The following NUFIP1 variants were observed in gnomAD, a reference collection of about 807,000 sequenced individuals.
NUFIP1 encodes nuclear FMR1 interacting protein 1, also known as FMR1-interacting protein NUFIP1.
Under a neutral mutation model 56.2 loss-of-function variants are expected in NUFIP1, and 38 were observed. The ratio of observed to expected loss-of-function variants is 0.68; its 90% CI spans 0.52 to 0.89. The LOEUF (loss-of-function observed/expected upper bound fraction) is 0.89, where lower values mean the gene tolerates loss of function less well. NUFIP1 is among the 40% of genes least tolerant of loss of function. NUFIP1 has a pLI of 0.00. For synonymous variants in NUFIP1, 215 were observed against 212.4 expected, an observed-to-expected ratio of 1.01 and a Z score of -0.10; for missense variants, 567 against 605.8, an observed-to-expected ratio of 0.94 and a Z score of 0.67.
chr13:44,971,757 G>A (rs1319422496), intron 5 of NUFIP1, among the ~76,000 whole-genome samples: 1 of 152,206 alleles, frequency 6.6e-6, no homozygotes, highest in East Asian at 1.9e-4. Flanking sequence ...TGTACCTTTT[G>A]TCTTTTTCTC....
intron 5 of NUFIP1, among the ~76,000 whole-genome samples, chr13:44,968,873 G>C (rs1277311270): frequency 6.6e-6 from 1 of 152,132 alleles, no homozygotes. Flanking sequence ...GTGGATTTTA[G>C]GTAAGATATA....
chr13:44,949,092 A>G (rs1241906713), intron 8 of NUFIP1, among the ~76,000 whole-genome samples: 1 of 152,212 alleles, frequency 6.6e-6, no homozygotes, highest in Non-Finnish European at 1.5e-5. Flanking sequence ...AGGGTTCTTC[A>G]GAGCAGAGAG....
At chr13:44,964,975 A>C (rs1871548799) in intron 6 of NUFIP1, among the ~76,000 whole-genome samples, 1 of 152,234 alleles carries the variant, frequency 6.6e-6, no homozygotes, top group Admixed American at 6.5e-5. Context: ...GTTCAAGAAC[A>C]TTTATAGAAA....
chr13:44,977,344 T>C (rs1456775659), intron 5 of NUFIP1, among the ~76,000 whole-genome samples: 1 of 152,218 alleles, frequency 6.6e-6, no homozygotes, highest in Non-Finnish European at 1.5e-5. Context: ...TTTAGGGTAG[T>C]GTGTTTCAGG....
intron 5 of NUFIP1, among the ~76,000 whole-genome samples, chr13:44,976,644 C>A (rs1467707535): frequency 6.6e-6 from 1 of 152,092 alleles, no homozygotes; most frequent in Non-Finnish European, 1.5e-5. Flanking sequence ...CTTCAGATAC[C>A]GTGCTTCAAA....
At chr13:44,955,556 A>T (rs1027566464) in intron 7 of NUFIP1, among the ~76,000 whole-genome samples, 2 of 152,222 alleles carry the variant, frequency 1.3e-5, no homozygotes, top group African/African-American at 4.8e-5. Flanking sequence ...TTAGTGCTGA[A>T]AAGTATCAAC....
At chr13:44,949,685 A>G (rs756341038) in intron 8 of NUFIP1, 37 bp downstream of exon 8, 1 of 1,379,736 alleles carries the variant, frequency 7.2e-7, no homozygotes, top group Non-Finnish European at 9.9e-7. Context: ...AAAAAGCAAC[A>G]AAACAAAACC....
At chr13:44,970,841 A>T (rs1366692431) in intron 5 of NUFIP1, among the ~76,000 whole-genome samples, 1 of 151,714 alleles carries the variant, frequency 6.6e-6, no homozygotes, top group African/African-American at 2.4e-5. Context: ...TGCCCAGCTA[A>T]TTTTTTTTAT....
At chr13:44,946,692 A>G (rs547583969) in intron 8 of NUFIP1, among the ~76,000 whole-genome samples, 9 of 152,336 alleles carry the variant, frequency 5.9e-5, no homozygotes, top group Admixed American at 2.6e-4. Context: ...TCTTAAGTCA[A>G]GACAGATCTT....
intron 4 of NUFIP1, 138 bp from the exon 5 acceptor site, chr13:44,979,404 A>G: frequency 1.6e-6 from 1 of 616,940 alleles, no homozygotes. Context: ...TATTTGTGTT[A>G]TAACTTTTCC....
At chr13:44,964,681 T>C (rs1188126609) in intron 6 of NUFIP1, among the ~76,000 whole-genome samples, 10 of 152,142 alleles carry the variant, frequency 6.6e-5, no homozygotes, top group African/African-American at 1.9e-4. Context: ...AGAAGACTGA[T>C]TGGCATGTAT....
rs1299166657 is a variant in NUFIP1 at position 44,941,103 on chromosome 13, T to C, written c.*103A>G. ...CATCCTACGAGGCTTACAATTTAATTACAAATCCAATTTTGACGGAAAAAA... is the reference window on the plus strand; with the variant it reads ...CATCCTACGAGGCTTACAATTTAATCACAAATCCAATTTTGACGGAAAAAA... On this transcript the variant is annotated 3_prime_UTR_variant, in exon 10 of 10. Coordinates refer to ENST00000379161, the MANE Select transcript of NUFIP1 (RefSeq NM_012345.3). 1 of 632,086 alleles carries C rather than the reference T, an allele frequency of 1.6e-6. No individual in the cohort carries two copies. The highest frequency in any genetic ancestry group is 2.7e-5 in the East Asian group (1 of 37,562). The allele number at this position is 632,086 out of a possible 1,614,324, so 39.2% of individuals were successfully genotyped here.
intron 2 of NUFIP1, 86 bp downstream of exon 2, chr13:44,981,986 A>T: frequency 2.1e-5 from 13 of 623,874 alleles, no homozygotes; most frequent in Non-Finnish European, 3.0e-5. Context: ...GAAGCAAAAC[A>T]CTGAAGACAG....
chr13:44,977,197 A>G (rs1447727779), intron 5 of NUFIP1, among the ~76,000 whole-genome samples: 1 of 152,272 alleles, frequency 6.6e-6, no homozygotes, highest in Non-Finnish European at 1.5e-5. Flanking sequence ...TTTCTCACAT[A>G]CTAAATTCTA....
intron 7 of NUFIP1, among the ~76,000 whole-genome samples, chr13:44,954,694 T>A (rs1271644597): frequency 1.3e-5 from 2 of 152,162 alleles, no homozygotes. Flanking sequence ...AGCCCAAGAT[T>A]TGCAATTAAG....
intron 7 of NUFIP1, among the ~76,000 whole-genome samples, chr13:44,953,295 G>C (rs1871135736): frequency 6.6e-6 from 1 of 152,054 alleles, no homozygotes; most frequent in South Asian, 2.1e-4. Flanking sequence ...TTTGGGGGGA[G>C]ATATTTTGAG....
intron 5 of NUFIP1, among the ~76,000 whole-genome samples, chr13:44,977,441 AT>A (rs954519201): frequency 5.9e-5 from 9 of 152,028 alleles, no homozygotes; most frequent in African/African-American, 2.2e-4. Context: ...GTATTTTTTC[AT>A]TTTTTTCTTA....
intron 7 of NUFIP1, among the ~76,000 whole-genome samples, chr13:44,958,393 T>C (rs980052399): frequency 2.9e-4 from 44 of 152,322 alleles, no homozygotes; most frequent in African/African-American, 1.0e-3. Context: ...ATAAAGCATA[T>C]AGAGCTCAGT....
At chr13:44,945,124 T>C (rs1218389336) in intron 8 of NUFIP1, among the ~76,000 whole-genome samples, 2 of 151,788 alleles carry the variant, frequency 1.3e-5, no homozygotes, top group African/African-American at 4.8e-5. Context: ...AATTAATAAA[T>C]GCACCAAGAC....
Sources: gnomAD v4.1 joint callset for allele counts (sites outside exome capture counted in the v4.1 genomes callset) on GRCh38, gnomAD v4.1.1 for gene constraint, MANE v1.5 for transcripts, NCBI Gene and HGNC (gene_info 2026-07-23, HGNC 2026-07-21) for gene names.